RAB11FIP1: variants seen among roughly 807,000 people sequenced by gnomAD.
The protein encoded by RAB11FIP1 is RAB11 family interacting protein 1.
RAB11FIP1 carries 49 observed loss-of-function variants against 83.1 expected under a neutral mutation model. The observed-to-expected ratio is 0.59, with a 90% CI of 0.47 to 0.75. The LOEUF (loss-of-function observed/expected upper bound fraction) is 0.75. Ranked by LOEUF, RAB11FIP1 falls within the 30% of genes least tolerant of loss-of-function variation. The probability of loss-of-function intolerance (pLI) is 0.00; values close to 1 mark genes in which losing one functional copy is unlikely to be tolerated. For synonymous variants in RAB11FIP1, 670 were observed against 656.0 expected, an observed-to-expected ratio of 1.02 and a Z score of -0.33; for missense variants, 1,536 against 1,598.7, an observed-to-expected ratio of 0.96 and a Z score of 0.67.
intron 1 of RAB11FIP1, among the ~76,000 whole-genome samples, chr8:37,886,500 C>T (rs1806837883): frequency 6.6e-6 from 1 of 152,230 alleles, no homozygotes; most frequent in Non-Finnish European, 1.5e-5. Context: ...TACCTCCACA[C>T]TTTACATGTG....
rs1487901505 is a variant in RAB11FIP1, at chr8:37,872,846, C to T, written c.1956G>A (p.Leu652=). ...AGGATGGCTGTTTGAAAAGTGATCC[C>T]AGGGCAGAAGAACCAGAATTTGGAA... The part of the protein sequence containing the change: ...TPVPNSGSSA[L]GSLFKQPSFP... Residue 652 remains leucine (L), a synonymous_variant, in exon 4 of 6, where the codon CTG becomes CTA. Transcript: ENST00000330843. 6.2e-7 allele frequency: 1 copy of T among 1,614,178 alleles called. No individual in the cohort carries two copies.
At position 37,861,841 on chromosome 8, in the gene RAB11FIP1, G is replaced by A. The variant is rs915112797; in HGVS notation, c.*1054C>T. 6 of 296,658 alleles carry A rather than the reference G, an allele frequency of 2.0e-5. No individual in the cohort carries two copies. The highest frequency in any genetic ancestry group is 1.1e-4 in the East Asian group (1 of 9,070). 18.4% of individuals were successfully genotyped at this position (296,658 alleles called of 1,614,324 possible). A position where few individuals can be genotyped will look rare whatever the true frequency, so the allele number is the denominator to read the frequency against. ...TGACCTCAAGTGATCCACCCTCCTC[G>A]GCCTTGCAAAGTGCTGGGATTACAG... On this transcript the variant is annotated 3_prime_UTR_variant, in exon 6 of 6. Coordinates refer to ENST00000330843, the MANE Select transcript of RAB11FIP1 (RefSeq NM_001002814.3).
At chr8:37,869,100 C>T (rs758986263) in intron 5 of RAB11FIP1, among the ~76,000 whole-genome samples, 5 of 151,350 alleles carry the variant, frequency 3.3e-5, no homozygotes, top group Non-Finnish European at 5.9e-5. Context: ...TGGTGGTGCT[C>T]GCCTGTAGTC....
Position 37,874,763 on chromosome 8 carries a change from G to C in RAB11FIP1, c.1374C>G (p.Val458=), listed in dbSNP as rs1263077892. Residue 458 remains valine (V), a synonymous_variant, in exon 3 of 6, where the codon GTC becomes GTG. Coordinates refer to ENST00000330843, the MANE Select transcript of RAB11FIP1 (RefSeq NM_001002814.3). ...KGSEGENPLT[V]PGREKEGMLM... ...GCATGCCTTCCTTCTCCCTCCCTGG[G>C]ACCGTGAGAGGGTTTTCACCTTCAC... is the stretch of plus-strand genomic sequence containing the variant. 1.2e-6 allele frequency: 2 copies of C among 1,614,130 alleles called. No individual in the cohort carries two copies. Among genetic ancestry groups the C allele is most frequent in the South Asian group, 2.2e-5 (2 of 91,078 alleles).
At chr8:37,881,763 C>T (rs1301466778) in intron 1 of RAB11FIP1, among the ~76,000 whole-genome samples, 1 of 151,990 alleles carries the variant, frequency 6.6e-6, no homozygotes, top group African/African-American at 2.4e-5. Context: ...GTGGTGCGAT[C>T]ATAGCTCACT....
chr8:37,872,598 T>C lies in RAB11FIP1; in HGVS notation c.2204A>G (p.Asp735Gly), dbSNP rs138876193. Residue 735 changes from aspartate to glycine, a missense_variant, in exon 4 of 6, where the codon GAT becomes GGT. Physicochemically the swap from Asp to Gly is moderately conservative, Grantham distance 94. Coordinates refer to ENST00000330843, the MANE Select transcript of RAB11FIP1 (RefSeq NM_001002814.3). The stretch of plus-strand genomic sequence containing the variant: ...CTCCCCAACAGGGCTCACAGCTCCA[T>C]CACTGCTGAGTGAAAGGGCAAACGG... ...EVPFALSLSS[D>G]GAVSPVGELA... The C allele has an allele frequency of 2.5e-6, 4 of 1,614,224 alleles. No individual in the cohort carries two copies. The East Asian group carries it at 8.9e-5, about 36-fold the overall frequency.
chr8:37,882,189 G>A (rs1806745900), intron 1 of RAB11FIP1, among the ~76,000 whole-genome samples: 1 of 152,160 alleles, frequency 6.6e-6, no homozygotes. Context: ...AATGTGACAG[G>A]CCTCCAAAGC....
At chr8:37,879,294 C>T (rs565512478) in intron 1 of RAB11FIP1, among the ~76,000 whole-genome samples, 24 of 151,398 alleles carry the variant, frequency 1.6e-4, no homozygotes, top group African/African-American at 4.9e-4. Context: ...CCAGCTTAGG[C>T]GACAGAGCCA....
chr8:37,861,442 G>C lies in RAB11FIP1; in HGVS notation c.*1453C>G. Reference sequence around the variant, plus strand: ...CCACAAATAATTTGGGTTTCCTTTTGGGCAGGGAGAGAAAGTGTTCAAAGG... The same window carrying C: ...CCACAAATAATTTGGGTTTCCTTTTCGGCAGGGAGAGAAAGTGTTCAAAGG... On this transcript the variant is annotated 3_prime_UTR_variant, in exon 6 of 6. Coordinates refer to ENST00000330843, the MANE Select transcript of RAB11FIP1 (RefSeq NM_001002814.3). 2.7e-6 allele frequency: 1 copy of C among 368,076 alleles called. No individual in the cohort carries two copies. The allele number at this position is 368,076 out of a possible 1,614,324, so 22.8% of individuals were successfully genotyped here. A position where few individuals can be genotyped will look rare whatever the true frequency, so the allele number is the denominator to read the frequency against.
At chr8:37,863,195 G>T (rs1806278480) in intron 5 of RAB11FIP1, 82 bp from the exon 6 acceptor site, 4 of 1,068,936 alleles carry the variant, frequency 3.7e-6, no homozygotes, top group Non-Finnish European at 2.8e-6. Context: ...GTACAAAGGA[G>T]GAAAAAGTGA....
At chr8:37,889,553 C>T (rs754713318) in intron 1 of RAB11FIP1, among the ~76,000 whole-genome samples, 1 of 152,216 alleles carries the variant, frequency 6.6e-6, no homozygotes, top group Non-Finnish European at 1.5e-5. Context: ...GGGGTCCTCA[C>T]ATACAGAGAC....
At chr8:37,881,693 CT>C (rs1229293507) in intron 1 of RAB11FIP1, among the ~76,000 whole-genome samples, 1 of 151,934 alleles carries the variant, frequency 6.6e-6, no homozygotes, top group Admixed American at 6.6e-5. Context: ...GACGCAAGGT[CT>C]TTTTTTATTT....
Position 37,883,672 on chromosome 8 carries a change from G to C in RAB11FIP1, c.372-6121C>G, listed in dbSNP as rs1806767774. On this transcript the variant is annotated intron_variant, in intron 1 of 5. Coordinates refer to ENST00000330843, the MANE Select transcript of RAB11FIP1 (RefSeq NM_001002814.3). ...CCAGTTTCTAAGTGTTACTGCCCATGTGTTTTTCAGTTCACTTAATTCCTG... is the reference window on the plus strand; with the variant it reads ...CCAGTTTCTAAGTGTTACTGCCCATCTGTTTTTCAGTTCACTTAATTCCTG... 2.0e-5 allele frequency among the ~76,000 whole-genome samples: 3 copies of C among 152,322 alleles called. 1 individual carries two copies. The South Asian group carries it at 6.2e-4, about 32-fold the overall frequency.
intron 5 of RAB11FIP1, among the ~76,000 whole-genome samples, chr8:37,864,408 A>G (rs539635680): frequency 1.4e-4 from 21 of 152,342 alleles, no homozygotes; most frequent in African/African-American, 5.1e-4. Context: ...AAGAATCAAG[A>G]TGATTTTGCT....
intron 2 of RAB11FIP1, among the ~76,000 whole-genome samples, chr8:37,876,218 G>A (rs995543839): frequency 1.1e-4 from 9 of 79,274 alleles, no homozygotes; most frequent in East Asian, 3.6e-4. Flanking sequence ...AGAAAGAAAG[G>A]AAGGAAGGAA....
At chr8:37,893,945 G>A (rs540812126) in intron 1 of RAB11FIP1, among the ~76,000 whole-genome samples, 122 of 152,218 alleles carry the variant, frequency 8.0e-4, no homozygotes, top group African/African-American at 2.8e-3. Flanking sequence ...CAACTCTGAA[G>A]GACTCTCATC....
At chr8:37,876,930 C>A (rs780550931) in intron 2 of RAB11FIP1, among the ~76,000 whole-genome samples, 179 bp downstream of exon 2, 2 of 152,050 alleles carry the variant, frequency 1.3e-5, no homozygotes, top group Non-Finnish European at 2.9e-5. Context: ...CGTGAGCCAC[C>A]ACGCCTAGCC....
chr8:37,894,534 G>T (rs1807018903), intron 1 of RAB11FIP1, among the ~76,000 whole-genome samples: 1 of 151,760 alleles, frequency 6.6e-6, no homozygotes, highest in South Asian at 2.1e-4. Context: ...ATGTGGGGAG[G>T]ACTATCGCAA....
chr8:37,872,518 T>C lies in RAB11FIP1; in HGVS notation c.2284A>G (p.Ser762Gly). 6.2e-7 allele frequency: 1 copy of C among 1,614,104 alleles called. No individual in the cohort carries two copies. Among genetic ancestry groups the C allele is most frequent in the Non-Finnish European group, 8.5e-7 (1 of 1,180,016 alleles). ...TCTTCAGCTGCATCCCTGGCTTTGC[T>C]CTCCACAAGAGACCCAGCCTGACTC... ...LESQAGSLVE[S>G]KARDAAEEVA... Residue 762 changes from serine to glycine, a missense_variant, in exon 4 of 6, where the codon AGC becomes GGC. Transcript: ENST00000330843.
Sources: gnomAD v4.1 joint callset for allele counts (sites outside exome capture counted in the v4.1 genomes callset) on GRCh38, gnomAD v4.1.1 for gene constraint, MANE v1.5 for transcripts, NCBI Gene and HGNC (gene_info 2026-07-23, HGNC 2026-07-21) for gene names.